Variants in ABCA12 observed in about 807,000 individuals in gnomAD.
ABCA12 encodes glucosylceramide transporter ABCA12.
Under a neutral mutation model 293.5 loss-of-function variants are expected in ABCA12, and 156 were observed. The observed-to-expected ratio is 0.53, with a 90% confidence interval of 0.47 to 0.61. The LOEUF is 0.61. Among genes scored for constraint, ABCA12 ranks in the 20% least tolerant of loss-of-function variants. The pLI, the probability that ABCA12 is intolerant of heterozygous loss-of-function variation, is 0.00. For missense variants in ABCA12, 2,797 were observed against 3,090.2 expected, an observed-to-expected ratio of 0.91 and a Z score of 2.25; for synonymous variants, 1,063 against 1,108.0, an observed-to-expected ratio of 0.96 and a Z score of 0.81.
intron 49 of ABCA12, among the ~76,000 whole-genome samples, chr2:214,943,746 T>C (rs1698485606): frequency 1.3e-5 from 2 of 152,196 alleles, no homozygotes; most frequent in South Asian, 4.1e-4. Flanking sequence ...AGTTGGCCTG[T>C]ACTTGATTAT....
chr2:215,135,532 A>T (rs1703206948), intron 1 of ABCA12, among the ~76,000 whole-genome samples: 1 of 152,182 alleles, frequency 6.6e-6, no homozygotes, highest in South Asian at 2.1e-4. Context: ...TCCATAGCTT[A>T]ATTTCTGTTT....
At chr2:215,061,471 GT>G (rs1701526866) in intron 3 of ABCA12, among the ~76,000 whole-genome samples, 1 of 151,964 alleles carries the variant, frequency 6.6e-6, no homozygotes, top group Non-Finnish European at 1.5e-5. Flanking sequence ...AAGGAAGACT[GT>G]TTTGTTTCCT....
At chr2:215,114,245 T>C (rs189783070) in intron 1 of ABCA12, among the ~76,000 whole-genome samples, 1 of 152,146 alleles carries the variant, frequency 6.6e-6, no homozygotes, top group Non-Finnish European at 1.5e-5. Flanking sequence ...AGTGCTGAGA[T>C]TACAGGCGTT....
chr2:214,967,010 C>T (rs1323508085), intron 38 of ABCA12, 57 bp from the exon 39 acceptor site: 1 of 1,308,884 alleles, frequency 7.6e-7, no homozygotes, highest in Non-Finnish European at 1.1e-6. Context: ...ATTAGGCTGT[C>T]TTAACATCTG....
At chr2:214,938,271 C>A (rs1034129310) in intron 50 of ABCA12, among the ~76,000 whole-genome samples, 1 of 152,172 alleles carries the variant, frequency 6.6e-6, no homozygotes, top group Non-Finnish European at 1.5e-5. Context: ...CATGTCCCTG[C>A]AAAGGACGTG....
rs899842412 is a variant in ABCA12, at chr2:214,951,213, T to C, written c.6648-130A>G. ...CATTAGACTTCTTTTACATTTGTAA[T>C]GAATTATGCTACTCAGATAACTTAA... On this transcript the variant is annotated intron_variant, in intron 44 of 52. Coordinates refer to ENST00000272895, the MANE Select transcript of ABCA12 (RefSeq NM_173076.3). 64 of 812,684 alleles carry C rather than the reference T, an allele frequency of 7.9e-5. No homozygotes were observed. In the African/African-American group the frequency reaches 1.1e-3, roughly 13 times the overall value. The allele number at this position is 812,684 out of a possible 1,614,324, so 50.3% of individuals were successfully genotyped here.
At chr2:215,123,893 C>T (rs1457658231) in intron 1 of ABCA12, among the ~76,000 whole-genome samples, 1 of 152,138 alleles carries the variant, frequency 6.6e-6, no homozygotes, top group East Asian at 1.9e-4. Context: ...CAATGCACCA[C>T]ATTTGTACTC....
chr2:215,002,918 T>A (rs934777932), intron 20 of ABCA12, among the ~76,000 whole-genome samples: 89 of 152,338 alleles, frequency 5.8e-4, no homozygotes, highest in African/African-American at 2.0e-3. Context: ...ACTTCCTAGT[T>A]CAGAAGTTAG....
At chr2:215,092,126 T>A (rs1287902394) in intron 2 of ABCA12, among the ~76,000 whole-genome samples, 3 of 152,168 alleles carry the variant, frequency 2.0e-5, no homozygotes, top group Non-Finnish European at 4.4e-5. Flanking sequence ...TGGTAACTCT[T>A]ACAGTGGAGG....
At chr2:215,058,546 T>C (rs1017540041) in intron 3 of ABCA12, among the ~76,000 whole-genome samples, 5 of 152,028 alleles carry the variant, frequency 3.3e-5, no homozygotes, top group African/African-American at 7.2e-5. Flanking sequence ...ATGAAAGTAC[T>C]GCACAAAACT....
At chr2:215,084,272 C>T (rs1701998254) in intron 2 of ABCA12, among the ~76,000 whole-genome samples, 1 of 152,146 alleles carries the variant, frequency 6.6e-6, no homozygotes, top group Non-Finnish European at 1.5e-5. Flanking sequence ...CAGGCATGCG[C>T]TACCATCCCT....
intron 1 of ABCA12, among the ~76,000 whole-genome samples, chr2:215,124,884 C>A (rs950471283): frequency 3.9e-5 from 6 of 152,180 alleles, no homozygotes; most frequent in Non-Finnish European, 8.8e-5. Context: ...TTGCCTAAGC[C>A]AATGTCTAGA....
chr2:214,939,648 G>A, intron 50 of ABCA12, among the ~76,000 whole-genome samples: 1 of 151,908 alleles, frequency 6.6e-6, no homozygotes, highest in Non-Finnish European at 1.5e-5. Flanking sequence ...CTTGAGCAGT[G>A]GTTTGTAGTT....
At chr2:214,949,290 G>T in intron 45 of ABCA12, 141 bp from the exon 46 acceptor site, 2 of 666,144 alleles carry the variant, frequency 3.0e-6, no homozygotes, top group Non-Finnish European at 5.3e-6. Flanking sequence ...ATAGTGTAAT[G>T]CTCTTGATAA....
Position 214,983,627 on chromosome 2 carries a change from TCATTCCTGTC to T in ABCA12, c.4382+10_4382+19del. The T allele has an allele frequency of 6.2e-7, 1 of 1,609,962 alleles. No homozygotes were observed. The highest frequency in any genetic ancestry group is 2.2e-5 in the East Asian group (1 of 44,840). On this transcript the variant is annotated intron_variant, in intron 29 of 52. Coordinates refer to ENST00000272895, the MANE Select transcript of ABCA12 (RefSeq NM_173076.3). ...TGAGAGGAGTTAGCAACTTAGGTTC[TCATTCCTGTC>T]TTAACTTGCCTTTTTACTTCCTCGT... is the stretch of plus-strand genomic sequence containing the variant.
intron 2 of ABCA12, among the ~76,000 whole-genome samples, chr2:215,108,639 T>G (rs1438019048): frequency 1.3e-5 from 2 of 152,308 alleles, no homozygotes; most frequent in East Asian, 3.9e-4. Context: ...TTTATTATGA[T>G]GAATTATTGG....
At chr2:214,986,273 A>C (rs933553060) in intron 28 of ABCA12, among the ~76,000 whole-genome samples, 3 of 152,188 alleles carry the variant, frequency 2.0e-5, no homozygotes, top group African/African-American at 7.2e-5. Flanking sequence ...TCAATGTTGT[A>C]GAATTTCCTA....
At chr2:215,045,794 T>C (rs750580444) in intron 7 of ABCA12, 43 bp downstream of exon 7, 3 of 1,569,882 alleles carry the variant, frequency 1.9e-6, no homozygotes, top group Non-Finnish European at 2.6e-6. Flanking sequence ...TAAACACTTC[T>C]TTGTGAACAC....
Position 215,138,253 on chromosome 2 carries a change from TC to T in ABCA12, c.-46del. ...AGAGATTTCCTCTTCTTTTCTCCAC[TC>T]CACAAATGAAGAACTGATGCCCCGT... On this transcript the variant is annotated 5_prime_UTR_variant, in exon 1 of 53. Coordinates refer to ENST00000272895, the MANE Select transcript of ABCA12 (RefSeq NM_173076.3). The T allele has an allele frequency of 2.5e-6, 4 of 1,602,002 alleles. No individual in the cohort carries two copies. Among genetic ancestry groups the T allele is most frequent in the Non-Finnish European group, 3.4e-6 (4 of 1,169,122 alleles).
Sources: allele counts gnomAD v4.1 joint callset (sites outside exome capture counted in the v4.1 genomes callset), GRCh38; gene constraint gnomAD v4.1.1; transcripts MANE v1.5; gene names NCBI Gene and HGNC (gene_info 2026-07-23, HGNC 2026-07-21).